The following TAX1BP1 variants were observed in gnomAD, a reference collection of about 807,000 sequenced individuals.
The protein encoded by TAX1BP1 is tax1-binding protein 1.
Under a neutral mutation model 97.7 loss-of-function variants are expected in TAX1BP1, and 62 were observed. That is an observed-to-expected ratio of 0.63 (90% CI 0.52 to 0.78). The LOEUF (loss-of-function observed/expected upper bound fraction) is 0.78. TAX1BP1 is among the 30% of genes least tolerant of loss of function. TAX1BP1 has a pLI of 0.00. For missense variants in TAX1BP1, 867 were observed against 916.1 expected, an observed-to-expected ratio of 0.95 and a Z score of 0.69; for synonymous variants, 340 against 304.2, an observed-to-expected ratio of 1.12 and a Z score of -1.23.
At chr7:27,792,961 C>T in intron 9 of TAX1BP1, 105 bp from the exon 10 acceptor site, 1 of 1,109,690 alleles carries the variant, frequency 9.0e-7, no homozygotes, top group Non-Finnish European at 1.3e-6. Flanking sequence ...GACTCTGTCT[C>T]AAAAACAAAA....
chr7:27,816,614 A>T, intron 14 of TAX1BP1, 94 bp downstream of exon 14: 1 of 1,110,152 alleles, frequency 9.0e-7, no homozygotes. Context: ...GGTATAATCA[A>T]CCCTAATACA....
At chr7:27,758,365 T>C (rs1018973028) in intron 3 of TAX1BP1, 1 of 319,538 alleles carries the variant, frequency 3.1e-6, no homozygotes, top group African/African-American at 2.1e-5. Context: ...CACTGAAGAG[T>C]GGGTTTCTTT....
intron 1 of TAX1BP1, among the ~76,000 whole-genome samples, chr7:27,740,730 C>T (rs1787549699): frequency 1.3e-5 from 2 of 152,160 alleles, no homozygotes; most frequent in Admixed American, 6.5e-5. Flanking sequence ...CCGAGAAGGA[C>T]GCTGGGGTTT....
chr7:27,746,982 C>T (rs187468373), intron 1 of TAX1BP1, among the ~76,000 whole-genome samples: 1 of 152,278 alleles, frequency 6.6e-6, no homozygotes, highest in African/African-American at 2.4e-5. Flanking sequence ...TGTAAAAGCA[C>T]ACTGTTTTAG....
chr7:27,786,716 C>T (rs1789499287), intron 7 of TAX1BP1, among the ~76,000 whole-genome samples: 1 of 152,160 alleles, frequency 6.6e-6, no homozygotes, highest in Non-Finnish European at 1.5e-5. Flanking sequence ...TCCTTGTGAA[C>T]AGGAATTAGT....
In TAX1BP1 at chr7:27,769,706, G is replaced by C. The variant is rs143497095; in HGVS notation, c.484G>C (p.Glu162Gln). The C allele has an allele frequency of 2.7e-5, 44 of 1,609,602 alleles. No individual in the cohort carries two copies. Among genetic ancestry groups the C allele is most frequent in the Non-Finnish European group, 3.6e-5 (43 of 1,178,328 alleles). The stretch of plus-strand genomic sequence containing the variant: ...AATTGAGAAAACCATGAAAGAAAAA[G>C]AAGAACTGTTAAAGTTAATTGCCGT... ...LKIEKTMKEK[E>Q]ELLKLIAVLE... Residue 162 changes from glutamate (E) to glutamine (Q), a missense_variant, in exon 5 of 17, where the codon GAA (glutamate) becomes CAA (glutamine). Physicochemically the swap from Glu to Gln is conservative, Grantham distance 29. Transcript: ENST00000396319.
intron 8 of TAX1BP1, among the ~76,000 whole-genome samples, chr7:27,788,057 T>A (rs943539386): frequency 4.6e-5 from 7 of 151,980 alleles, no homozygotes; most frequent in African/African-American, 1.7e-4. Flanking sequence ...TTATTTTGAT[T>A]GTTGTATTTT....
chr7:27,754,110 A>G (rs1383911255), intron 2 of TAX1BP1, among the ~76,000 whole-genome samples: 1 of 152,098 alleles, frequency 6.6e-6, no homozygotes, highest in East Asian at 1.9e-4. Context: ...CTAGACAAAC[A>G]AAACCTCCCT....
At chr7:27,745,494 A>G (rs1032071223) in intron 1 of TAX1BP1, among the ~76,000 whole-genome samples, 17 of 152,346 alleles carry the variant, frequency 1.1e-4, no homozygotes, top group Non-Finnish European at 2.1e-4. Flanking sequence ...AATGATTAGT[A>G]GCTATATTGT....
At chr7:27,791,715 G>A (rs1397095600) in intron 8 of TAX1BP1, among the ~76,000 whole-genome samples, 1 of 152,122 alleles carries the variant, frequency 6.6e-6, no homozygotes, top group African/African-American at 2.4e-5. Flanking sequence ...TTTTGTTTGA[G>A]CCTCAGTTTG....
chr7:27,770,342 G>A (rs1424399088), intron 5 of TAX1BP1, among the ~76,000 whole-genome samples: 1 of 151,988 alleles, frequency 6.6e-6, no homozygotes, highest in Non-Finnish European at 1.5e-5. Flanking sequence ...AGAGAGACAG[G>A]TACAATGAAG....
chr7:27,820,662 A>G (rs533214708), intron 15 of TAX1BP1, among the ~76,000 whole-genome samples: 1 of 152,356 alleles, frequency 6.6e-6, no homozygotes, highest in East Asian at 1.9e-4. Context: ...ATGCAGTTCG[A>G]TGAAAGAATG....
At chr7:27,803,240 T>G in intron 13 of TAX1BP1, 6 of 1,354,152 alleles carry the variant, frequency 4.4e-6, no homozygotes, top group Non-Finnish European at 5.8e-6. Flanking sequence ...TAATAGAGCT[T>G]TATGAAGAGA....
intron 2 of TAX1BP1, among the ~76,000 whole-genome samples, chr7:27,754,865 A>G (rs113532515): frequency 0.042 from 6,382 of 152,118 alleles, 421 homozygotes; most frequent in African/African-American, 0.15. Flanking sequence ...TTACAGGCGT[A>G]AACCACCCCA....
chr7:27,780,654 T>C (rs1473015322), intron 5 of TAX1BP1, among the ~76,000 whole-genome samples: 2 of 152,182 alleles, frequency 1.3e-5, no homozygotes, highest in East Asian at 1.9e-4. Flanking sequence ...TGTTTTTGTT[T>C]GTTTTTGCCA....
At chr7:27,764,478 A>AG (rs1177496729) in intron 3 of TAX1BP1, among the ~76,000 whole-genome samples, 1 of 152,236 alleles carries the variant, frequency 6.6e-6, no homozygotes, top group Non-Finnish European at 1.5e-5. Flanking sequence ...ACATTTTATC[A>AG]GGGAGTATGT....
chr7:27,791,899 C>A, intron 8 of TAX1BP1, 107 bp from the exon 9 acceptor site: 3 of 967,312 alleles, frequency 3.1e-6, no homozygotes, highest in Non-Finnish European at 4.7e-6. Flanking sequence ...AGTAGAAAAA[C>A]CAATATCTAA....
At chr7:27,801,811 T>G (rs890624782) in intron 13 of TAX1BP1, among the ~76,000 whole-genome samples, 11 of 152,218 alleles carry the variant, frequency 7.2e-5, no homozygotes, top group African/African-American at 2.4e-4. Context: ...TAGTTTCTTT[T>G]GCCCTATTTT....
intron 2 of TAX1BP1, among the ~76,000 whole-genome samples, chr7:27,752,372 A>G (rs1755431869): frequency 6.6e-6 from 1 of 152,212 alleles, no homozygotes; most frequent in Non-Finnish European, 1.5e-5. Context: ...AGGGAATCGG[A>G]GTGGCTTAAC....
Sources: gnomAD v4.1 joint callset for allele counts (sites outside exome capture counted in the v4.1 genomes callset) on GRCh38, gnomAD v4.1.1 for gene constraint, MANE v1.5 for transcripts, NCBI Gene and HGNC (gene_info 2026-07-23, HGNC 2026-07-21) for gene names.